The following KIF18A variants were observed in gnomAD, a reference collection of about 807,000 sequenced individuals.
KIF18A encodes kinesin-like protein KIF18A.
In KIF18A, 67 loss-of-function variants were observed where a neutral mutation model predicts 103.3. The observed-to-expected ratio is 0.65, with a 90% CI of 0.53 to 0.79. The LOEUF is 0.79. Ranked by LOEUF, KIF18A falls within the 30% of genes least tolerant of loss-of-function variation. The probability of loss-of-function intolerance (pLI) is 0.00; values close to 1 mark genes in which losing one functional copy is unlikely to be tolerated. For missense variants in KIF18A, 1,032 were observed against 1,062.5 expected (o/e 0.97, Z 0.40); for synonymous variants, 367 against 355.5 (o/e 1.03, Z -0.36).
intron 6 of KIF18A, 49 bp from the exon 7 acceptor site, chr11:28,084,857 A>G: frequency 6.9e-7 from 1 of 1,453,408 alleles, no homozygotes; most frequent in South Asian, 1.2e-5. Flanking sequence ...ATTTAAATGC[A>G]AACCTGCTAC....
chr11:28,093,589 CAAG>C lies in KIF18A; in HGVS notation c.483+1051_483+1053del, dbSNP rs552573944. ...AATGATGGGGTATTTCAAAAGGACA[CAAG>C]AGACAACATGAAGAAGTCTCAACTA... On this transcript the variant is annotated intron_variant, in intron 3 of 16. Transcript: ENST00000263181. 3.5e-4 allele frequency among the ~76,000 whole-genome samples: 53 copies of C among 152,160 alleles called. No individual in the cohort carries two copies. The South Asian group carries it at 9.7e-3, about 28-fold the overall frequency.
chr11:28,091,143 T>TG, intron 4 of KIF18A, among the ~76,000 whole-genome samples: 1 of 148,794 alleles, frequency 6.7e-6, no homozygotes, highest in Admixed American at 6.8e-5. Context: ...AATAAATAAA[T>TG]AAATAAATAC....
rs2133481262 is a variant in KIF18A at position 28,023,804 on chromosome 11, C to T, written c.2551G>A (p.Ala851Thr). The change falls in exon 16 of 17, where the codon GCC becomes ACC. Residue 851 changes from alanine (A) to threonine (T), a missense_variant. By Grantham distance (58) the Ala-to-Thr change is moderately conservative. Coordinates refer to ENST00000263181, the MANE Select transcript of KIF18A (RefSeq NM_031217.4). The stretch of plus-strand genomic sequence containing the variant: ...GAATTATCTTGTCGAACACGTTTGG[C>T]AAATCCAGAATTTACGTCTGCAGTT... ...SLTADVNSGF[A>T]KRVRQDNSSE... The T allele has an allele frequency of 6.2e-7, 1 of 1,613,030 alleles. No homozygotes were observed. Among genetic ancestry groups the T allele is most frequent in the South Asian group, 1.1e-5 (1 of 90,976 alleles).
At chr11:28,033,803 G>A (rs1193995340) in intron 15 of KIF18A, among the ~76,000 whole-genome samples, 3 of 150,984 alleles carry the variant, frequency 2.0e-5, no homozygotes, top group Non-Finnish European at 3.0e-5. Context: ...AGCACAACAG[G>A]GTAACTACAG....
rs912211853 is a variant in KIF18A, at chr11:28,077,960, C to A, written c.1263-791G>T. On this transcript the variant is annotated intron_variant, in intron 9 of 16. Coordinates refer to ENST00000263181, the MANE Select transcript of KIF18A (RefSeq NM_031217.4). ...CTGGATGGAACCTGCAATCCTGTAT[C>A]CTTCTGGGTCAGTAGAACACTGGTC... Among the ~76,000 whole-genome samples the A allele has an allele frequency of 1.6e-4, 25 of 152,062 alleles. 1 individual carries two copies. The highest frequency in any genetic ancestry group is 5.6e-4 in the African/African-American group (23 of 41,414).
At chr11:28,053,796 T>C (rs1479286380) in intron 13 of KIF18A, among the ~76,000 whole-genome samples, 1 of 152,202 alleles carries the variant, frequency 6.6e-6, no homozygotes, top group African/African-American at 2.4e-5. Flanking sequence ...AGACATGAGC[T>C]GATAAGTTTT....
chr11:28,082,611 A>G (rs1459988713), intron 9 of KIF18A, among the ~76,000 whole-genome samples: 2 of 152,134 alleles, frequency 1.3e-5, no homozygotes, highest in Non-Finnish European at 2.9e-5. Context: ...CGGAAAACCA[A>G]AACATTTGTG....
At position 28,032,068 on chromosome 11, in the gene KIF18A, A is replaced by G. The variant is rs1850417589; in HGVS notation, c.2504+3319T>C. On this transcript the variant is annotated intron_variant, in intron 15 of 16. Transcript: ENST00000263181. ...CAGAATACAAAATCAATATACAAAAATCAGTAGCATATCTATATACAAACA... is the reference window on the plus strand; with the variant it reads ...CAGAATACAAAATCAATATACAAAAGTCAGTAGCATATCTATATACAAACA... Among the ~76,000 whole-genome samples, 3 of 151,698 alleles carry G rather than the reference A, an allele frequency of 2.0e-5. No homozygotes were observed. The South Asian group carries it at 6.2e-4, about 32-fold the overall frequency.
At chr11:28,059,475 C>T (rs191662632) in intron 12 of KIF18A, among the ~76,000 whole-genome samples, 12 of 152,132 alleles carry the variant, frequency 7.9e-5, no homozygotes, top group Admixed American at 7.9e-4. Flanking sequence ...ACTCTGTGGC[C>T]CAGGCTGGAG....
At chr11:28,056,516 G>A (rs774513666) in intron 13 of KIF18A, among the ~76,000 whole-genome samples, 15 of 152,022 alleles carry the variant, frequency 9.9e-5, no homozygotes, top group African/African-American at 2.4e-5. Flanking sequence ...AGAGGAGAGA[G>A]CAAAAGTGAC....
intron 1 of KIF18A, among the ~76,000 whole-genome samples, chr11:28,103,140 C>T (rs1173620918): frequency 6.6e-6 from 1 of 151,998 alleles, no homozygotes; most frequent in African/African-American, 2.4e-5. Flanking sequence ...GGAACTAAAA[C>T]ATGAAAGACA....
intron 13 of KIF18A, among the ~76,000 whole-genome samples, chr11:28,042,333 G>C (rs1203656619): frequency 1.3e-5 from 2 of 151,776 alleles, no homozygotes; most frequent in Non-Finnish European, 2.9e-5. Flanking sequence ...TCTCTTTTTA[G>C]GTTAGGCACC....
At chr11:28,039,981 C>T (rs1322530141) in intron 13 of KIF18A, among the ~76,000 whole-genome samples, 1 of 151,580 alleles carries the variant, frequency 6.6e-6, no homozygotes, top group Non-Finnish European at 1.5e-5. Flanking sequence ...TGATTAGTTG[C>T]TTAGAAAGCT....
chr11:28,049,643 G>A (rs1850686802), intron 13 of KIF18A, among the ~76,000 whole-genome samples: 2 of 151,964 alleles, frequency 1.3e-5, no homozygotes, highest in South Asian at 4.1e-4. Flanking sequence ...AAGCACTCCT[G>A]TTAATATGTA....
intron 13 of KIF18A, among the ~76,000 whole-genome samples, chr11:28,048,105 C>G (rs573557511): frequency 4.4e-4 from 67 of 152,122 alleles, no homozygotes; most frequent in Admixed American, 3.4e-3. Flanking sequence ...CAAACTATAA[C>G]TAGACAAAAA....
chr11:28,034,759 T>C (rs1565070901), intron 15 of KIF18A, among the ~76,000 whole-genome samples: 2 of 151,730 alleles, frequency 1.3e-5, no homozygotes, highest in Non-Finnish European at 2.9e-5. Context: ...AATTGGCAAA[T>C]GCTAAATAAA....
In KIF18A at chr11:28,024,042, G is replaced by A. The variant is rs192995573; in HGVS notation, c.2505-192C>T. 4.5e-3 allele frequency among the ~76,000 whole-genome samples: 676 copies of A among 151,882 alleles called. 6 individuals are homozygous for A. Among genetic ancestry groups the A allele is most frequent in the African/African-American group, 0.014 (584 of 41,482 alleles). Reference sequence around the variant, plus strand: ...TTTAGCTGTGTGTGATTTTAAATTGGATATTTTATATTTTTATTCAAATTG... The same window carrying A: ...TTTAGCTGTGTGTGATTTTAAATTGAATATTTTATATTTTTATTCAAATTG... On this transcript the variant is annotated intron_variant, in intron 15 of 16. Coordinates refer to ENST00000263181, the MANE Select transcript of KIF18A (RefSeq NM_031217.4).
rs138549358 is a variant in KIF18A at position 28,065,001 on chromosome 11, G to C, written c.1591-2485C>G. On this transcript the variant is annotated intron_variant, in intron 11 of 16. Transcript: ENST00000263181. ...TTTTGCGTTTTAAAAACTTGCTTTGGTTGCAGTGGAGAGAATGAATTGCAG... is the reference window on the plus strand; with the variant it reads ...TTTTGCGTTTTAAAAACTTGCTTTGCTTGCAGTGGAGAGAATGAATTGCAG... Among the ~76,000 whole-genome samples the C allele has an allele frequency of 2.4e-3, 370 of 152,174 alleles. 3 individuals carry two copies. The highest frequency in any genetic ancestry group is 8.6e-3 in the African/African-American group (357 of 41,560).
chr11:28,055,651 C>T (rs1385876254), intron 13 of KIF18A, among the ~76,000 whole-genome samples: 1 of 152,060 alleles, frequency 6.6e-6, no homozygotes, highest in African/African-American at 2.4e-5. Context: ...ACCTCAGTCT[C>T]TGAAATAGGA....
Sources: allele counts gnomAD v4.1 joint callset (sites outside exome capture counted in the v4.1 genomes callset), GRCh38; gene constraint gnomAD v4.1.1; transcripts MANE v1.5; gene names NCBI Gene and HGNC (gene_info 2026-07-23, HGNC 2026-07-21).